The following PKMYT1 variants were observed in gnomAD, a reference collection of about 807,000 sequenced individuals.
PKMYT1 encodes membrane-associated tyrosine- and threonine-specific cdc2-inhibitory kinase.
A neutral mutation model predicts 49.7 loss-of-function variants in PKMYT1; 35 were observed. The observed-to-expected ratio is 0.70, with a 90% CI of 0.54 to 0.93. The LOEUF (loss-of-function observed/expected upper bound fraction) is 0.93. Among genes scored for constraint, PKMYT1 ranks in the 40% least tolerant of loss-of-function variants. The pLI, the probability that PKMYT1 is intolerant of heterozygous loss-of-function variation, is 0.00. For missense variants in PKMYT1, 677 were observed against 673.1 expected, an observed-to-expected ratio of 1.01 and a Z score of -0.06; for synonymous variants, 331 against 287.6, an observed-to-expected ratio of 1.15 and a Z score of -1.53.
intron 2 of PKMYT1, among the ~76,000 whole-genome samples, chr16:2,977,694 C>T (rs1431629178): frequency 1.3e-5 from 2 of 152,232 alleles, no homozygotes; most frequent in Non-Finnish European, 2.9e-5. Flanking sequence ...CCTGTTGGCA[C>T]CTGAGCCATG....
At chr16:2,976,364 G>A (rs772845108) in intron 3 of PKMYT1, among the ~76,000 whole-genome samples, 1 of 152,194 alleles carries the variant, frequency 6.6e-6, no homozygotes, top group Non-Finnish European at 1.5e-5. Context: ...AGGCTGGGCC[G>A]ACTCGCCAAG....
chr16:2,980,012 T>G, intron 1 of PKMYT1, 100 bp from the exon 2 acceptor site: 2 of 314,870 alleles, frequency 6.4e-6, no homozygotes, highest in Non-Finnish European at 1.2e-5. Context: ...GAGGAAGGAC[T>G]GTCACGGGGA....
chr16:2,974,515 C>T (rs780298926), intron 5 of PKMYT1, 35 bp downstream of exon 5: 28 of 1,527,932 alleles, frequency 1.8e-5, no homozygotes, highest in East Asian at 4.7e-5. Flanking sequence ...CCCAGGAGCC[C>T]GTGGCAGCAC....
chr16:2,977,279 T>A (rs2072224065), intron 2 of PKMYT1: 5 of 1,349,150 alleles, frequency 3.7e-6, no homozygotes, highest in Middle Eastern at 5.6e-4. Context: ...GGGGCCCGTG[T>A]TCTTGAGGGT....
rs2072169589 is a variant in PKMYT1 at position 2,975,647 on chromosome 16, T to A, written c.544A>T (p.Ile182Phe). ...CACAGCTCCGTCTGCAGGTACAGGA[T>A]GCCGCCCTCCTCCCAGGCCTGCTCC... ...RLEQAWEEGG[I>F]LYLQTELCGP... is the part of the protein sequence containing the mutation. Residue 182 changes from isoleucine (I) to phenylalanine (F), a missense_variant, in exon 4 of 9, where the codon ATC becomes TTC. Physicochemically the swap from Ile to Phe is conservative, Grantham distance 21 (BLOSUM62 0). Coordinates refer to ENST00000262300, the MANE Select transcript of PKMYT1 (RefSeq NM_004203.5). The A allele has an allele frequency of 6.2e-7, 1 of 1,611,464 alleles. No homozygotes were observed. Among genetic ancestry groups the A allele is most frequent in the South Asian group, 1.1e-5 (1 of 91,040 alleles).
Position 2,979,785 on chromosome 16 carries a change from G to A in PKMYT1, c.-128C>T. The A allele has an allele frequency of 8.9e-7, 1 of 1,125,888 alleles. No homozygotes were observed. Among genetic ancestry groups the A allele is most frequent in the South Asian group, 1.3e-5 (1 of 76,556 alleles). 69.7% of individuals were successfully genotyped at this position (1,125,888 alleles called of 1,614,324 possible). On this transcript the variant is annotated 5_prime_UTR_variant, in exon 2 of 9. Coordinates refer to ENST00000262300, the MANE Select transcript of PKMYT1 (RefSeq NM_004203.5). ...ACCTCCGCAGCTTCCGGGGCCCTGG[G>A]CGATCGGGCCGTCTCGCCTCACCCT...
intron 2 of PKMYT1, among the ~76,000 whole-genome samples, chr16:2,977,697 G>A (rs4149775): frequency 0.075 from 11,367 of 152,248 alleles, 831 homozygotes; most frequent in African/African-American, 0.19. Flanking sequence ...GTTGGCACCT[G>A]AGCCATGACA....
intron 4 of PKMYT1, 87 bp from the exon 5 acceptor site, chr16:2,974,743 G>C: frequency 1.2e-6 from 1 of 821,010 alleles, no homozygotes; most frequent in Admixed American, 2.2e-5. Context: ...GAGGTGGGTG[G>C]GAGAGGGCTG....
intron 2 of PKMYT1, 136 bp downstream of exon 2, chr16:2,979,512 G>A (rs191194677): frequency 2.2e-5 from 16 of 732,132 alleles, no homozygotes; most frequent in Non-Finnish European, 3.7e-5. Flanking sequence ...GTTTCTCCAA[G>A]TCAGGAGCCA....
intron 8 of PKMYT1, 25 bp from the exon 9 acceptor site, chr16:2,973,089 C>T: frequency 6.3e-7 from 1 of 1,579,404 alleles, no homozygotes; most frequent in Non-Finnish European, 8.6e-7. Context: ...TAGTGACACT[C>T]AGGATCCAAA....
At chr16:2,978,205 C>T (rs1249434539) in intron 2 of PKMYT1, among the ~76,000 whole-genome samples, 2 of 152,134 alleles carry the variant, frequency 1.3e-5, no homozygotes, top group East Asian at 1.9e-4. Flanking sequence ...CCACCAACCC[C>T]CTGAAAATTG....
chr16:2,978,829 C>G (rs1252521468), intron 2 of PKMYT1, among the ~76,000 whole-genome samples: 3 of 149,950 alleles, frequency 2.0e-5, no homozygotes, highest in Admixed American at 6.6e-5. Flanking sequence ...GTTTTTGAGA[C>G]AGGGTCTCAC....
chr16:2,978,780 G>A (rs149360073), intron 2 of PKMYT1, among the ~76,000 whole-genome samples: 21 of 146,422 alleles, frequency 1.4e-4, no homozygotes, highest in African/African-American at 4.6e-4. Context: ...GGATTGGACC[G>A]TGGAACACTT....
chr16:2,976,357 C>T (rs1190011080), intron 3 of PKMYT1, among the ~76,000 whole-genome samples: 1 of 152,062 alleles, frequency 6.6e-6, no homozygotes, highest in Non-Finnish European at 1.5e-5. Context: ...GTGCCAGAGG[C>T]TGGGCCGACT....
Position 2,974,574 on chromosome 16 carries a change from A to G in PKMYT1, c.955T>C (p.Tyr319His). Residue 319 changes from tyrosine (Y) to histidine (H), a missense_variant, in exon 5 of 9, where the codon TAC becomes CAC. Coordinates refer to ENST00000262300, the MANE Select transcript of PKMYT1 (RefSeq NM_004203.5). Reference protein sequence around the residue: ...GEGWQQLRQGYLPPEFTAGLS... With the variant: ...GEGWQQLRQGHLPPEFTAGLS... ...CCGGCAGTGAACTCAGGGGGCAGGT[A>G]GCCCTGGCGCAGCTGCTGCCAGCCC... is the stretch of plus-strand genomic sequence containing the variant. The G allele has an allele frequency of 6.3e-7, 1 of 1,580,886 alleles. No homozygotes were observed. Among genetic ancestry groups the G allele is most frequent in the Non-Finnish European group, 8.6e-7 (1 of 1,163,634 alleles).
intron 7 of PKMYT1, 58 bp downstream of exon 7, chr16:2,973,942 G>GCC (rs2072097149): frequency 6.4e-7 from 1 of 1,551,132 alleles, no homozygotes; most frequent in African/African-American, 1.4e-5. Context: ...TCTCCATGGA[G>GCC]CCCCGGTGAT....
In PKMYT1 at chr16:2,976,768, G is replaced by C; in HGVS notation, c.274C>G (p.Leu92Val). 6.4e-7 allele frequency: 1 copy of C among 1,574,432 alleles called. No individual in the cohort carries two copies. The highest frequency in any genetic ancestry group is 8.6e-7 in the Non-Finnish European group (1 of 1,157,586). The change falls in exon 3 of 9, where the codon CTG becomes GTG. Residue 92 changes from leucine (L) to valine (V), a missense_variant. Leu to Val is a conservative substitution (Grantham distance 32). Coordinates refer to ENST00000262300, the MANE Select transcript of PKMYT1 (RefSeq NM_004203.5). Reference protein sequence around the residue: ...VSFRGEASETLQSPGYDPSRP... With the variant: ...VSFRGEASETVQSPGYDPSRP... ...CTTGGGTCATACCCAGGGCTCTGCA[G>C]AGTCTCTGAGGCCTCGCCCCGGAAT...
At position 2,972,810 on chromosome 16, in the gene PKMYT1, G is replaced by T. The variant is rs2072033330; in HGVS notation, c.*143C>A. 5 of 1,539,110 alleles carry T rather than the reference G, an allele frequency of 3.2e-6. No homozygotes were observed. In the Admixed American group the frequency reaches 9.9e-5, roughly 31 times the overall value. ...GCCATGTTGCCACATGAGCAAGCTT[G>T]GGTGCTCCCAAGGTTCAAATACTTT... On this transcript the variant is annotated 3_prime_UTR_variant, in exon 9 of 9. Coordinates refer to ENST00000262300, the MANE Select transcript of PKMYT1 (RefSeq NM_004203.5).
Position 2,979,778 on chromosome 16 carries a change from G to A in PKMYT1, c.-121C>T, listed in dbSNP as rs2072293129. 5.7e-6 allele frequency: 7 copies of A among 1,233,690 alleles called. No individual in the cohort carries two copies. Among genetic ancestry groups the A allele is most frequent in the South Asian group, 5.0e-5 (4 of 79,374 alleles). 76.4% of individuals were successfully genotyped at this position (1,233,690 alleles called of 1,614,324 possible). ...GGGGGTGACCTCCGCAGCTTCCGGG[G>A]CCCTGGGCGATCGGGCCGTCTCGCC... On this transcript the variant is annotated 5_prime_UTR_variant, in exon 2 of 9. Coordinates refer to ENST00000262300, the MANE Select transcript of PKMYT1 (RefSeq NM_004203.5).
Sources: allele counts gnomAD v4.1 joint callset (sites outside exome capture counted in the v4.1 genomes callset), GRCh38; gene constraint gnomAD v4.1.1; transcripts MANE v1.5; gene names NCBI Gene and HGNC (gene_info 2026-07-23, HGNC 2026-07-21).